The following TRAPPC2L variants were observed in gnomAD, a reference collection of about 807,000 sequenced individuals.
The protein encoded by TRAPPC2L is trafficking protein particle complex subunit 2-like protein.
Under a neutral mutation model 13.2 loss-of-function variants are expected in TRAPPC2L, and 17 were observed. The observed-to-expected ratio is 1.29, with a 90% CI of 0.88 to 1.93. TRAPPC2L has a LOEUF of 1.93. TRAPPC2L is among the 30% of genes most tolerant of loss of function. The pLI is 0.00. For synonymous variants in TRAPPC2L, 150 were observed against 98.1 expected, an observed-to-expected ratio of 1.53 and a Z score of -3.12; for missense variants, 359 against 252.1, an observed-to-expected ratio of 1.42 and a Z score of -2.87.
exon 2 of TRAPPC2L, chr16:88,858,662 T>C: frequency 6.2e-7 from 1 of 1,613,500 alleles, no homozygotes; most frequent in South Asian, 1.1e-5. Context: ...GAGAACGAGC[T>C]GAAGTTCCAC....
intron 1 of TRAPPC2L, 44 bp downstream of exon 1, chr16:88,857,227 G>A: frequency 6.8e-7 from 1 of 1,461,766 alleles, no homozygotes; most frequent in Non-Finnish European, 9.1e-7. Context: ...CACCATCCTC[G>A]GCTCTCCGCT....
chr16:88,861,744 C>A (rs76042178), exon 4 of TRAPPC2L: 2 of 455,408 alleles, frequency 4.4e-6, no homozygotes, highest in Non-Finnish European at 8.9e-6. Context: ...GGGACCCCCC[C>A]GGAGTTGGTT....
At chr16:88,858,896 T>C in intron 2 of TRAPPC2L, 105 bp downstream of exon 2, 1 of 1,285,982 alleles carries the variant, frequency 7.8e-7, no homozygotes, top group Non-Finnish European at 1.1e-6. Context: ...GGTGAGAGTT[T>C]TTAGCCAGCC....
chr16:88,859,518 AC>A, intron 2 of TRAPPC2L, 144 bp from the exon 3 acceptor site: 1 of 821,546 alleles, frequency 1.2e-6, no homozygotes, highest in East Asian at 2.4e-5. Flanking sequence ...TTAGGCTTGT[AC>A]CCAGCACGGC....
At chr16:88,859,870 A>G (rs376673647) in intron 3 of TRAPPC2L, 23 bp from the exon 4 acceptor site, 2 of 1,552,948 alleles carry the variant, frequency 1.3e-6, no homozygotes, top group East Asian at 2.3e-5. Flanking sequence ...TGGCAAGGTC[A>G]TGGTTTGCTG....
chr16:88,857,005 C>T (rs1967960318), upstream of TRAPPC2L: 23 of 1,389,050 alleles, frequency 1.7e-5, no homozygotes, highest in East Asian at 9.0e-5. Context: ...CCAGAGTCCG[C>T]GGAGGGACGG....
At chr16:88,859,313 C>A (rs1461816240) in intron 2 of TRAPPC2L, 2 of 644,116 alleles carry the variant, frequency 3.1e-6, no homozygotes, top group Non-Finnish European at 5.7e-6. Flanking sequence ...GAGAGGGGAT[C>A]CGCCTTGTTC....
upstream of TRAPPC2L, chr16:88,856,353 T>C: frequency 1.4e-6 from 1 of 701,988 alleles, no homozygotes; most frequent in South Asian, 1.5e-5. Context: ...TCTTCCTCCC[T>C]TTGGGGAGGC....
exon 4 of TRAPPC2L, chr16:88,860,296 G>A (rs1164168184): frequency 1.4e-6 from 1 of 698,332 alleles, no homozygotes; most frequent in Non-Finnish European, 2.6e-6. Context: ...TGGCTTTCAG[G>A]GATCACACGT....
intron 2 of TRAPPC2L, chr16:88,859,455 C>T: frequency 2.8e-6 from 2 of 702,698 alleles, no homozygotes; most frequent in Non-Finnish European, 5.2e-6. Flanking sequence ...TAAGGCTTGG[C>T]TGCCTGCTCT....
intron 1 of TRAPPC2L, chr16:88,857,425 C>T: frequency 2.1e-6 from 1 of 483,852 alleles, no homozygotes; most frequent in Non-Finnish European, 3.7e-6. Context: ...CAGGTCTCCT[C>T]CCCGCCAGGA....
chr16:88,859,636 GAGTGCCTTCCCT>G lies in TRAPPC2L; in HGVS notation c.207-25_207-14del. On this transcript the variant is annotated splice_polypyrimidine_tract_variant and intron_variant, in intron 2 of 3. Transcript: ENST00000565504. ...CCTCCACCGGCAGTCCCTGTGTTAC[GAGTGCCTTCCCT>G]AACCAGCTGTGCAGATACGGCTACG... The G allele has an allele frequency of 6.2e-7, 1 of 1,610,280 alleles. No individual in the cohort carries two copies.
exon 2 of TRAPPC2L, chr16:88,858,703 G>C (rs1057194618): frequency 1.2e-6 from 2 of 1,613,540 alleles, no homozygotes; most frequent in African/African-American, 1.3e-5. Flanking sequence ...GGACGTGGTG[G>C]ATGAGAAGAT....
upstream of TRAPPC2L, chr16:88,857,046 TG>T: frequency 2.1e-6 from 3 of 1,433,958 alleles, no homozygotes; most frequent in Non-Finnish European, 2.7e-6. Context: ...TCGTGACCAG[TG>T]GGGCGGGGCC....
rs148834643 is a variant in TRAPPC2L, at chr16:88,860,164, C to T, written c.566C>T (p.Pro189Leu). The T allele has an allele frequency of 7.4e-4, 526 of 714,350 alleles. 2 individuals are homozygous for T. The African/African-American group carries it at 8.1e-3, about 11-fold the overall frequency. The allele number at this position is 714,350 out of a possible 1,614,324, so 44.3% of individuals were successfully genotyped here. A position where few individuals can be genotyped will look rare whatever the true frequency, so the allele number is the denominator to read the frequency against. Residue 189 changes from proline to leucine, a missense_variant, in exon 4 of 4, where the codon CCA becomes CTA. Coordinates refer to ENST00000565504, the Ensembl canonical transcript of TRAPPC2L. ...CCACACCAACTCTTACACAGATCTC[C>T]AGCGCATAAAGTGGATAGAGTGTGT...
chr16:88,859,413 T>C, intron 2 of TRAPPC2L: 1 of 699,946 alleles, frequency 1.4e-6, no homozygotes, highest in Non-Finnish European at 2.6e-6. Context: ...ACTCGGAGTC[T>C]AGGTGGTTCG....
chr16:88,859,586 T>C, intron 2 of TRAPPC2L, 77 bp from the exon 3 acceptor site: 1 of 1,391,858 alleles, frequency 7.2e-7, no homozygotes, highest in Non-Finnish European at 1.0e-6. Context: ...GCCACATTTC[T>C]CCAAAGTGAG....
rs1427149363 is a variant in TRAPPC2L, at chr16:88,861,839, G to T, written c.*1515G>T. ...GCAGCAGGAAAGGCTGTAAGGGGGG[G>T]TCAGCCTAGGGCAGGACCTAGGGAG... is the stretch of plus-strand genomic sequence containing the variant. On this transcript the variant is annotated 3_prime_UTR_variant, in exon 4 of 4. Transcript: ENST00000565504. 5 of 350,206 alleles carry T rather than the reference G, an allele frequency of 1.4e-5. No individual in the cohort carries two copies. In the East Asian group the frequency reaches 3.2e-4, roughly 23 times the overall value. 21.7% of individuals were successfully genotyped at this position (350,206 alleles called of 1,614,324 possible).
chr16:88,860,228 G>A, exon 4 of TRAPPC2L: 1 of 703,410 alleles, frequency 1.4e-6, no homozygotes, highest in South Asian at 1.5e-5. Context: ...TGGCTTCCCA[G>A]GTGTGCCCAG....
Sources: gnomAD v4.1 joint callset for allele counts on GRCh38, gnomAD v4.1.1 for gene constraint, MANE v1.5 for transcripts, NCBI Gene and HGNC (gene_info 2026-07-23, HGNC 2026-07-21) for gene names.